FMNL2: variants seen among roughly 807,000 people sequenced by gnomAD.
The protein encoded by FMNL2 is formin-like protein 2.
In FMNL2, 51 loss-of-function variants were observed where a neutral mutation model predicts 130.2. That is an observed-to-expected ratio of 0.39 (90% confidence interval 0.31 to 0.49). The LOEUF is 0.49. Among genes scored for constraint, FMNL2 ranks in the 20% least tolerant of loss-of-function variants. The pLI is 0.85. For synonymous variants in FMNL2, 465 were observed against 467.1 expected, an observed-to-expected ratio of 1.00 and a Z score of 0.06; for missense variants, 977 against 1,316.2, an observed-to-expected ratio of 0.74 and a Z score of 3.99.
intron 1 of FMNL2, among the ~76,000 whole-genome samples, chr2:152,355,895 A>G (rs1289506851): frequency 6.6e-6 from 1 of 152,202 alleles, no homozygotes; most frequent in Non-Finnish European, 1.5e-5. Flanking sequence ...TACATACCCA[A>G]ATAAATAAAA....
At chr2:152,635,439 G>A (rs1353369480) in intron 21 of FMNL2, among the ~76,000 whole-genome samples, 5 of 152,294 alleles carry the variant, frequency 3.3e-5, no homozygotes, top group African/African-American at 1.2e-4. Flanking sequence ...GCTTGAATTT[G>A]CTTTTTGTCT....
intron 1 of FMNL2, among the ~76,000 whole-genome samples, chr2:152,378,985 G>GAAA (rs1560313953): frequency 8.5e-5 from 1 of 11,740 alleles, no homozygotes; most frequent in Non-Finnish European, 2.0e-4. Context: ...TAGACCAGCT[G>GAAA]CAAAAAAAAA....
intron 2 of FMNL2, chr2:152,539,185 T>A (rs925132463): frequency 6.6e-6 from 1 of 152,184 alleles, no homozygotes; most frequent in African/African-American, 2.4e-5. Context: ...TGATGAGCTA[T>A]CAAAATGAAT....
chr2:152,445,454 C>T (rs1245099896), intron 1 of FMNL2, among the ~76,000 whole-genome samples: 2 of 152,202 alleles, frequency 1.3e-5, no homozygotes, highest in Non-Finnish European at 2.9e-5. Flanking sequence ...GCCGAGTAAC[C>T]ACTAGCTGCT....
chr2:152,564,985 G>A (rs1695751297), intron 6 of FMNL2, among the ~76,000 whole-genome samples: 1 of 152,048 alleles, frequency 6.6e-6, no homozygotes, highest in Non-Finnish European at 1.5e-5. Flanking sequence ...TGATGCAGTA[G>A]AGACCTGGTT....
At chr2:152,450,854 A>G (rs1347740167) in intron 1 of FMNL2, among the ~76,000 whole-genome samples, 3 of 152,182 alleles carry the variant, frequency 2.0e-5, no homozygotes, top group Non-Finnish European at 2.9e-5. Flanking sequence ...TACAAACAGG[A>G]CAAGATCATG....
rs1205536317 is a variant in FMNL2, at chr2:152,648,654, A to AT, written c.*752dup. 1 of 152,652 alleles carries AT rather than the reference A, an allele frequency of 6.6e-6. No homozygotes were observed. The highest frequency in any genetic ancestry group is 6.5e-5 in the Admixed American group (1 of 15,280). The allele number at this position is 152,652 out of a possible 1,614,324, so 9.5% of individuals were successfully genotyped here. On this transcript the variant is annotated 3_prime_UTR_variant, in exon 26 of 26. Coordinates refer to ENST00000288670, the MANE Select transcript of FMNL2 (RefSeq NM_052905.4). Reference sequence around the variant, plus strand: ...TAACATCTCAGTAATCAGCATTAGCATTTCTGAGGACCATTATTAATTCTG... The same window carrying AT: ...TAACATCTCAGTAATCAGCATTAGCATTTTCTGAGGACCATTATTAATTCTG...
At chr2:152,366,112 C>G (rs1219509311) in intron 1 of FMNL2, among the ~76,000 whole-genome samples, 1 of 151,964 alleles carries the variant, frequency 6.6e-6, no homozygotes, top group African/African-American at 2.4e-5. Flanking sequence ...TTACTAGAGC[C>G]CAGAAATTTG....
intron 1 of FMNL2, among the ~76,000 whole-genome samples, chr2:152,506,020 A>G (rs1014096403): frequency 2.0e-5 from 3 of 152,178 alleles, no homozygotes; most frequent in African/African-American, 7.2e-5. Flanking sequence ...AGTCTGAAAG[A>G]TTTCTTTAGA....
At chr2:152,557,466 C>T (rs577069773) in intron 4 of FMNL2, among the ~76,000 whole-genome samples, 1 of 152,348 alleles carries the variant, frequency 6.6e-6, no homozygotes, top group East Asian at 1.9e-4. Context: ...CACTTTCCCA[C>T]TTTGCCGCCT....
chr2:152,466,436 G>A (rs1003178685), intron 1 of FMNL2, among the ~76,000 whole-genome samples: 5 of 152,010 alleles, frequency 3.3e-5, no homozygotes, highest in Admixed American at 1.3e-4. Context: ...GAAGTATCTG[G>A]AATTCTCTTC....
Position 152,433,598 on chromosome 2 carries a change from C to G in FMNL2, c.118-88345C>G, listed in dbSNP as rs547262015. On this transcript the variant is annotated intron_variant, in intron 1 of 25. Coordinates refer to ENST00000288670, the MANE Select transcript of FMNL2 (RefSeq NM_052905.4). ...TGGTCTGAATGTAAAGTTGCATGCC[C>G]CTGGACACAGTGCTTGGGTGAGAGA... Among the ~76,000 whole-genome samples the G allele has an allele frequency of 2.6e-5, 4 of 152,182 alleles. No homozygotes were observed. In the South Asian group the frequency reaches 8.3e-4, roughly 32 times the overall value.
intron 1 of FMNL2, among the ~76,000 whole-genome samples, chr2:152,411,408 C>T (rs890557680): frequency 1.3e-5 from 2 of 152,182 alleles, no homozygotes; most frequent in African/African-American, 2.4e-5. Context: ...AAATATACCA[C>T]TTCCCTTAGG....
At chr2:152,407,229 A>G (rs975696025) in intron 1 of FMNL2, among the ~76,000 whole-genome samples, 1 of 151,784 alleles carries the variant, frequency 6.6e-6, no homozygotes, top group East Asian at 1.9e-4. Context: ...GAAGCTTCAG[A>G]ATGTCATTTC....
intron 1 of FMNL2, among the ~76,000 whole-genome samples, chr2:152,368,414 GTAT>G (rs1309838204): frequency 6.6e-6 from 1 of 151,530 alleles, no homozygotes; most frequent in East Asian, 1.9e-4. Context: ...CTTAACCCAT[GTAT>G]TTTTTAAGAT....
chr2:152,341,355 G>T (rs1681793615), intron 1 of FMNL2, among the ~76,000 whole-genome samples: 1 of 152,198 alleles, frequency 6.6e-6, no homozygotes, highest in South Asian at 2.1e-4. Context: ...ATATATTGGG[G>T]TATCTAGGAT....
chr2:152,623,093 C>G (rs925206614), intron 15 of FMNL2, among the ~76,000 whole-genome samples: 2 of 152,198 alleles, frequency 1.3e-5, no homozygotes, highest in African/African-American at 2.4e-5. Flanking sequence ...GTGTTCTGAT[C>G]TCAGGCTTAT....
intron 1 of FMNL2, chr2:152,389,949 A>G (rs996685035): frequency 6.2e-5 from 76 of 1,222,034 alleles, no homozygotes; most frequent in Middle Eastern, 3.8e-4. Context: ...AAGCCAAGTC[A>G]GAGACCTCGG....
At chr2:152,543,769 CTAT>C (rs1187117123) in intron 3 of FMNL2, among the ~76,000 whole-genome samples, 1 of 122,498 alleles carries the variant, frequency 8.2e-6, no homozygotes, top group Admixed American at 9.7e-5. Context: ...AGGAGAACAG[CTAT>C]TATTTCCTTT....
Sources: gnomAD v4.1 joint callset for allele counts (sites outside exome capture counted in the v4.1 genomes callset) on GRCh38, gnomAD v4.1.1 for gene constraint, MANE v1.5 for transcripts, NCBI Gene and HGNC (gene_info 2026-07-23, HGNC 2026-07-21) for gene names.